CSNK1E: variants seen among roughly 807,000 people sequenced by gnomAD.
CSNK1E encodes the protein casein kinase 1 epsilon, also known as casein kinase I isoform epsilon.
A neutral mutation model predicts 46.1 loss-of-function variants in CSNK1E; 17 were observed. The ratio of observed to expected loss-of-function variants is 0.37; its 90% CI spans 0.25 to 0.55. The LOEUF (loss-of-function observed/expected upper bound fraction) is 0.55. Ranked by LOEUF, CSNK1E falls within the 20% of genes least tolerant of loss-of-function variation. CSNK1E has a pLI of 0.82. For missense variants in CSNK1E, 386 were observed against 595.4 expected, an observed-to-expected ratio of 0.65 and a Z score of 3.66; for synonymous variants, 241 against 242.6, an observed-to-expected ratio of 0.99 and a Z score of 0.06.
Position 38,310,033 on chromosome 22 carries a change from C to G in CSNK1E, c.76+4049G>C, listed in dbSNP as rs147836667. 2.1e-3 allele frequency among the ~76,000 whole-genome samples: 322 copies of G among 152,308 alleles called. 2 individuals are homozygous for G. The highest frequency in any genetic ancestry group is 7.5e-3 in the African/African-American group (312 of 41,562). On this transcript the variant is annotated intron_variant, in intron 2 of 10. Coordinates refer to ENST00000396832, the MANE Select transcript of CSNK1E (RefSeq NM_152221.3). ...GCTGAGGTTCAGAAACGTTAGGTAACTGGCCTAAGGTCTGACAGAACTGGA... is the reference window on the plus strand; with the variant it reads ...GCTGAGGTTCAGAAACGTTAGGTAAGTGGCCTAAGGTCTGACAGAACTGGA...
At chr22:38,312,747 G>A (rs527691374) in intron 2 of CSNK1E, among the ~76,000 whole-genome samples, 5 of 152,302 alleles carry the variant, frequency 3.3e-5, no homozygotes, top group African/African-American at 1.2e-4. Context: ...TGGTCAGTCA[G>A]GCAGCATTAT....
intron 7 of CSNK1E, chr22:38,296,265 C>T (rs2145829776): frequency 8.4e-7 from 1 of 1,185,598 alleles, no homozygotes; most frequent in African/African-American, 1.6e-5. Context: ...GTCACACGAG[C>T]ATCCACCCGT....
Position 38,294,181 on chromosome 22 carries a change from C to A in CSNK1E, c.1146G>T (p.Arg382Ser). The A allele has an allele frequency of 6.2e-7, 1 of 1,612,638 alleles. No homozygotes were observed. The part of the protein sequence containing the change: ...RERKVSMRLH[R>S]GAPANVSSSD... The stretch of plus-strand genomic sequence containing the variant: ...AGGAGGAGACGTTGGCGGGCGCACC[C>A]CTGTGCAGCCTCATACTCACCTTCC... The change falls in exon 9 of 11, where the codon AGG (arginine) becomes AGT (serine). Residue 382 changes from arginine (R) to serine (S), a missense_variant. Around this residue, in one of 2 missense-constraint regions of CSNK1E, gnomAD observed 174 missense variants for 185.2 expected, o/e 0.94. Coordinates refer to ENST00000396832, the MANE Select transcript of CSNK1E (RefSeq NM_152221.3). This position sits in a 1 kb window ranked among gnomAD's most constrained non-coding sequence, Gnocchi z 5.5.
chr22:38,315,388 C>T (rs2092739901), intron 1 of CSNK1E, among the ~76,000 whole-genome samples: 1 of 152,234 alleles, frequency 6.6e-6, no homozygotes, highest in South Asian at 2.1e-4. Flanking sequence ...ACCAGCCCTC[C>T]ACCAATAACC....
chr22:38,307,180 T>C lies in CSNK1E; in HGVS notation c.77-3932A>G, dbSNP rs369148454. On this transcript the variant is annotated intron_variant, in intron 2 of 10. Coordinates refer to ENST00000396832, the MANE Select transcript of CSNK1E (RefSeq NM_152221.3). The stretch of plus-strand genomic sequence containing the variant: ...AGCAAGACCATGTCTCAAAAATAAA[T>C]AGGTAAATAATATAAAAATTAAAAA... Among the ~76,000 whole-genome samples, 166 of 151,116 alleles carry C rather than the reference T, an allele frequency of 1.1e-3. 2 individuals carry two copies. The South Asian group carries it at 0.034, about 31-fold the overall frequency.
At chr22:38,312,051 G>T in intron 2 of CSNK1E, among the ~76,000 whole-genome samples, 1 of 152,066 alleles carries the variant, frequency 6.6e-6, no homozygotes, top group African/African-American at 2.4e-5. Flanking sequence ...TGATCTGCCC[G>T]CCTCGGCCTC....
At chr22:38,314,942 C>G (rs976541844) in intron 1 of CSNK1E, among the ~76,000 whole-genome samples, 2 of 152,196 alleles carry the variant, frequency 1.3e-5, no homozygotes, top group Non-Finnish European at 2.9e-5. Flanking sequence ...ACACCCTGTT[C>G]CTGGTCAGCA....
At chr22:38,302,452 A>T (rs1040422486) in intron 4 of CSNK1E, among the ~76,000 whole-genome samples, 1 of 152,194 alleles carries the variant, frequency 6.6e-6, no homozygotes, top group African/African-American at 2.4e-5. Flanking sequence ...CACATTTTAA[A>T]TAAACAACTT....
intron 2 of CSNK1E, among the ~76,000 whole-genome samples, chr22:38,306,429 C>A (rs1487741961): frequency 6.6e-6 from 1 of 152,218 alleles, no homozygotes; most frequent in Non-Finnish European, 1.5e-5. Context: ...GCAGCCATTA[C>A]CACAATCAAT....
chr22:38,294,221 C>G lies in CSNK1E; in HGVS notation c.1106G>C (p.Arg369Pro), dbSNP rs753064501. ...ACTCACCTTCCTCTCCCGGTCGACC[C>G]GCGAGATCGCTCTGGGAGAAGTATT... The part of the protein sequence containing the change: ...AGNTSPRAIS[R>P]VDRERKVSMR... The change falls in exon 9 of 11, where the codon CGG becomes CCG. Residue 369 changes from arginine (R) to proline (P), a missense_variant. By Grantham distance (103) the Arg-to-Pro change is moderately radical. Coordinates refer to ENST00000396832, the MANE Select transcript of CSNK1E (RefSeq NM_152221.3). The surrounding 1 kb of genome is among the most constrained non-coding windows in gnomAD (Gnocchi z 5.5). 1 of 1,612,484 alleles carries G rather than the reference C, an allele frequency of 6.2e-7. No individual in the cohort carries two copies. Among genetic ancestry groups the G allele is most frequent in the South Asian group, 1.1e-5 (1 of 91,042 alleles).
Position 38,303,889 on chromosome 22 carries a change from C to T in CSNK1E, c.77-641G>A, listed in dbSNP as rs2092686661. 1.3e-5 allele frequency among the ~76,000 whole-genome samples: 2 copies of T among 152,224 alleles called. No homozygotes were observed. Among genetic ancestry groups the T allele is most frequent in the African/African-American group, 2.4e-5 (1 of 41,450 alleles). On this transcript the variant is annotated intron_variant, in intron 2 of 10. Coordinates refer to ENST00000396832, the MANE Select transcript of CSNK1E (RefSeq NM_152221.3). The surrounding 1 kb of genome is among the most constrained non-coding windows in gnomAD (Gnocchi z 4.7). ...GGCCTTGAGATCAACCCCGGCTCTG[C>T]TGGCCTCCAGCATAGGTCAGAGGTC...
At chr22:38,307,678 T>A (rs2092704367) in intron 2 of CSNK1E, among the ~76,000 whole-genome samples, 2 of 152,240 alleles carry the variant, frequency 1.3e-5, no homozygotes, top group Non-Finnish European at 2.9e-5. Context: ...TCCCCACAGG[T>A]ACCGAAGGTG....
At position 38,306,620 on chromosome 22, in the gene CSNK1E, A is replaced by C. The variant is rs527630497; in HGVS notation, c.77-3372T>G. 7.2e-5 allele frequency among the ~76,000 whole-genome samples: 11 copies of C among 152,144 alleles called. No homozygotes were observed. The South Asian group carries it at 1.9e-3, about 26-fold the overall frequency. On this transcript the variant is annotated intron_variant, in intron 2 of 10. Transcript: ENST00000396832. The stretch of plus-strand genomic sequence containing the variant: ...GTGGCGCACGCCTGTAATCCCAGCT[A>C]CTCGGCAGGCTGAGGCAGGAGAATT...
chr22:38,302,212 G>A (rs527455136), intron 4 of CSNK1E, among the ~76,000 whole-genome samples: 2 of 150,100 alleles, frequency 1.3e-5, no homozygotes, highest in East Asian at 2.0e-4. Flanking sequence ...ATTACCCAGG[G>A]CAGGCCAGAC....
intron 2 of CSNK1E, among the ~76,000 whole-genome samples, chr22:38,308,519 C>G (rs1163577356): frequency 6.6e-6 from 1 of 152,126 alleles, no homozygotes; most frequent in Non-Finnish European, 1.5e-5. Context: ...GGACAAGGCA[C>G]TTCACCCCTC....
rs187481007 is a variant in CSNK1E, at chr22:38,316,428, G to C, written c.-13+732C>G. 9.5e-4 allele frequency among the ~76,000 whole-genome samples: 145 copies of C among 152,242 alleles called. 2 individuals carry two copies. In the East Asian group the frequency reaches 0.021, roughly 22 times the overall value. On this transcript the variant is annotated intron_variant, in intron 1 of 10. Transcript: ENST00000396832. ...GCTATGCCAGGAAGAAAATATGCAA[G>C]AAAACTAAGGGAAAAGTTGGGGAGG... is the stretch of plus-strand genomic sequence containing the variant.
rs1216267319 is a variant in CSNK1E, at chr22:38,314,272, A to C, written c.-12-103T>G. ...AGCCACCAGGAACTCGAAAACCTGC[A>C]TTCTCGAAGACCACATTCTGCAGGT... On this transcript the variant is annotated intron_variant, in intron 1 of 10. Transcript: ENST00000396832. The C allele has an allele frequency of 8.6e-6, 7 of 813,550 alleles. No homozygotes were observed. In the African/African-American group the frequency reaches 1.2e-4, roughly 14 times the overall value. 50.4% of individuals were successfully genotyped at this position (813,550 alleles called of 1,614,324 possible).
At chr22:38,292,331 G>T (rs894281530) in intron 10 of CSNK1E, 1 of 152,062 alleles carries the variant, frequency 6.6e-6, no homozygotes, top group Non-Finnish European at 1.5e-5. Context: ...CTCCCTCTGG[G>T]CCCCAGAGCC....
At position 38,297,812 on chromosome 22, in the gene CSNK1E, G is replaced by A. The variant is rs139790234; in HGVS notation, c.885+974C>T. On this transcript the variant is annotated intron_variant, in intron 7 of 10. Coordinates refer to ENST00000396832, the MANE Select transcript of CSNK1E (RefSeq NM_152221.3). Reference sequence around the variant, plus strand: ...CTGTGCTGCCATCTCTTGGGAACAGGGGGTCATCCCATCCTCCCAAGAAAC... The same window carrying A: ...CTGTGCTGCCATCTCTTGGGAACAGAGGGTCATCCCATCCTCCCAAGAAAC... The A allele has an allele frequency of 8.3e-4, 835 of 1,007,514 alleles. 4 individuals are homozygous for A. The highest frequency in any genetic ancestry group is 6.4e-3 in the South Asian group (167 of 25,956). The allele number at this position is 1,007,514 out of a possible 1,614,324, so 62.4% of individuals were successfully genotyped here.
Sources: allele counts gnomAD v4.1 joint callset (sites outside exome capture counted in the v4.1 genomes callset), GRCh38; gene constraint gnomAD v4.1.1; regional missense constraint gnomAD v4.1.1; non-coding constraint Gnocchi (gnomAD v3.1); transcripts MANE v1.5; gene names NCBI Gene and HGNC (gene_info 2026-07-23, HGNC 2026-07-21).